GREB1: variants seen among roughly 807,000 people sequenced by gnomAD.
GREB1 encodes growth regulating estrogen receptor binding 1.
Under a neutral mutation model 200.7 loss-of-function variants are expected in GREB1, and 106 were observed. The observed-to-expected ratio is 0.53, with a 90% CI of 0.45 to 0.62. GREB1 has a LOEUF of 0.62. Among genes scored for constraint, GREB1 ranks in the 20% least tolerant of loss-of-function variants. The pLI is 0.00. For missense variants in GREB1, 2,243 were observed against 2,556.8 expected, an observed-to-expected ratio of 0.88 and a Z score of 2.65; for synonymous variants, 1,132 against 1,092.4, an observed-to-expected ratio of 1.04 and a Z score of -0.72.
At position 11,633,952 on chromosome 2, in the gene GREB1, G is replaced by A. The variant is rs1396119756; in HGVS notation, c.4992-179G>A. The stretch of plus-strand genomic sequence containing the variant: ...CTGCAAATGTGTTCAGCACATAGCA[G>A]AAATGAGCGCCCGTGGGAAGCGCCC... On this transcript the variant is annotated intron_variant, in intron 28 of 32. Coordinates refer to ENST00000381486, the MANE Select transcript of GREB1 (RefSeq NM_014668.4). The surrounding 1 kb of genome is among the most constrained non-coding windows in gnomAD (Gnocchi z 4.1). Among the ~76,000 whole-genome samples the A allele has an allele frequency of 1.3e-5, 2 of 152,248 alleles. No individual in the cohort carries two copies. The highest frequency in any genetic ancestry group is 2.9e-5 in the Non-Finnish European group (2 of 68,048).
intron 1 of GREB1, among the ~76,000 whole-genome samples, chr2:11,511,084 A>G (rs1220715521): frequency 6.6e-6 from 1 of 152,128 alleles, no homozygotes; most frequent in Non-Finnish European, 1.5e-5. Context: ...AACTCTTCAC[A>G]TTGGCTTCTG....
At chr2:11,592,461 T>C (rs1680826394) in intron 10 of GREB1, among the ~76,000 whole-genome samples, 2 of 151,370 alleles carry the variant, frequency 1.3e-5, no homozygotes, top group Non-Finnish European at 2.9e-5. Context: ...GGCCAAAGAG[T>C]GAGCAAGGAC....
intron 1 of GREB1, among the ~76,000 whole-genome samples, chr2:11,536,647 T>G (rs899999288): frequency 2.6e-5 from 4 of 152,206 alleles, no homozygotes; most frequent in Non-Finnish European, 5.9e-5. Context: ...GATACTGGCA[T>G]TAAGCAAAGA....
At chr2:11,567,807 C>T (rs956312748) in intron 4 of GREB1, among the ~76,000 whole-genome samples, 11 of 152,208 alleles carry the variant, frequency 7.2e-5, no homozygotes, top group African/African-American at 2.7e-4. Flanking sequence ...AATCTAGGGA[C>T]ACCTGAGGTG....
At chr2:11,489,351 T>A (rs1013669693) in intron 1 of GREB1, among the ~76,000 whole-genome samples, 5 of 152,054 alleles carry the variant, frequency 3.3e-5, no homozygotes, top group African/African-American at 1.2e-4. Flanking sequence ...CCCAGCTACT[T>A]GGGAGGCTGA....
intron 4 of GREB1, among the ~76,000 whole-genome samples, chr2:11,571,732 A>G (rs1172167078): frequency 2.6e-5 from 4 of 151,584 alleles, no homozygotes; most frequent in African/African-American, 9.7e-5. Flanking sequence ...TCTTTTTGAG[A>G]CGGAGTCTCG....
At chr2:11,628,485 C>T (rs548770940) in intron 25 of GREB1, among the ~76,000 whole-genome samples, 14 of 152,102 alleles carry the variant, frequency 9.2e-5, no homozygotes, top group South Asian at 6.2e-4. Flanking sequence ...CTGCCGGGGA[C>T]GCAGCACTCA....
At chr2:11,625,065 GA>G in intron 23 of GREB1, 88 bp from the exon 24 acceptor site, 1 of 1,057,546 alleles carries the variant, frequency 9.5e-7, no homozygotes, top group Non-Finnish European at 1.4e-6. Context: ...GCATTTCTCA[GA>G]ACGTATTCTG....
At chr2:11,626,392 A>G (rs1164501543) in intron 24 of GREB1, among the ~76,000 whole-genome samples, 1 of 152,144 alleles carries the variant, frequency 6.6e-6, no homozygotes, top group African/African-American at 2.4e-5. Flanking sequence ...GTTCAAGACC[A>G]GCCTGGCTAA....
chr2:11,521,972 G>A (rs188795318), intron 1 of GREB1, among the ~76,000 whole-genome samples: 103 of 152,234 alleles, frequency 6.8e-4, no homozygotes, highest in African/African-American at 2.2e-3. Context: ...CTTTTCTCCC[G>A]CTGGGTGTAG....
chr2:11,491,200 C>A (rs576050529), intron 1 of GREB1, among the ~76,000 whole-genome samples: 1 of 152,280 alleles, frequency 6.6e-6, no homozygotes, highest in African/African-American at 2.4e-5. Flanking sequence ...TAAACATTAC[C>A]AATAAATGGA....
rs747086092 is a variant in GREB1, at chr2:11,618,912, C to T, written c.4037C>T (p.Pro1346Leu). Reference protein sequence around the residue: ...FHPRRLLLSGPPQIGKTGAYL... With the variant: ...FHPRRLLLSGLPQIGKTGAYL... ...CCCCGCAGGCTGCTGCTCAGCGGCC[C>T]CCCTCAGGTGAGTGTTGCTCGCTGC... The change falls in exon 22 of 33, where the codon CCC (proline) becomes CTC (leucine). Residue 1346 changes from proline to leucine, a missense_variant. Pro to Leu is a moderately conservative substitution (Grantham distance 98). Around this residue, in one of 3 missense-constraint regions of GREB1, gnomAD observed 587 missense variants for 553.1 expected, o/e 1.06. Transcript: ENST00000381486. The T allele has an allele frequency of 6.4e-5, 97 of 1,517,956 alleles. No homozygotes were observed. The highest frequency in any genetic ancestry group is 8.2e-5 in the Non-Finnish European group (93 of 1,136,716). The allele number at this position is 1,517,956 out of a possible 1,614,324, so 94.0% of individuals were successfully genotyped here. A position where few individuals can be genotyped will look rare whatever the true frequency, so the allele number is the denominator to read the frequency against.
rs369760105 is a variant in GREB1 at position 11,627,036 on chromosome 2, G to A, written c.4381G>A (p.Ala1461Thr). Residue 1461 changes from alanine to threonine, a missense_variant, in exon 25 of 33, where the codon GCA becomes ACA. Around this residue, in one of 3 missense-constraint regions of GREB1, gnomAD observed 587 missense variants for 553.1 expected, o/e 1.06. Transcript: ENST00000381486. ...GGCACGGATGAGACTGTCCAAGTAC[G>A]CAGCGTACAACACTTACCACCACTG... ...QTARMRLSKY[A>T]AYNTYHHCEQ... is the part of the protein sequence containing the mutation. 3.0e-5 allele frequency: 48 copies of A among 1,613,828 alleles called. No individual in the cohort carries two copies. Among genetic ancestry groups the A allele is most frequent in the Admixed American group, 6.7e-5 (4 of 60,000 alleles).
Position 11,615,077 on chromosome 2 carries a change from CTG to C in GREB1, c.3123-10_3123-9del. ...GAAGGCACTAAACAGACACCTTCTT[CTG>C]TGTCTTGCTAGGTCTTTGAGGTACT... On this transcript the variant is annotated splice_polypyrimidine_tract_variant and intron_variant, in intron 19 of 32. Transcript: ENST00000381486. 6.3e-7 allele frequency: 1 copy of C among 1,597,018 alleles called. No homozygotes were observed. The highest frequency in any genetic ancestry group is 8.6e-7 in the Non-Finnish European group (1 of 1,164,394).
Position 11,618,344 on chromosome 2 carries a change from C to T in GREB1, c.3469C>T (p.His1157Tyr). ...AQPTALPQGEHARSPQPRGPA... is the reference protein window; with the variant it reads ...AQPTALPQGEYARSPQPRGPA... ...GCCCACAGCACTCCCCCAGGGAGAGCATGCCAGGTCGCCCCAGCCCCGTGG... is the reference window on the plus strand; with the variant it reads ...GCCCACAGCACTCCCCCAGGGAGAGTATGCCAGGTCGCCCCAGCCCCGTGG... Residue 1157 changes from histidine to tyrosine, a missense_variant, in exon 22 of 33, where the codon CAT becomes TAT. Physicochemically the swap from His to Tyr is moderately conservative, Grantham distance 83. Coordinates refer to ENST00000381486, the MANE Select transcript of GREB1 (RefSeq NM_014668.4). 2 of 1,606,818 alleles carry T rather than the reference C, an allele frequency of 1.2e-6. No homozygotes were observed. The highest frequency in any genetic ancestry group is 8.5e-7 in the Non-Finnish European group (1 of 1,176,050).
At chr2:11,545,568 A>C (rs12623350) in intron 1 of GREB1, among the ~76,000 whole-genome samples, 79,456 of 152,138 alleles carry the variant, frequency 0.52, 23,078 homozygotes, top group South Asian at 0.76. Context: ...AACTTAAAAA[A>C]AATGCATCCT....
intron 1 of GREB1, among the ~76,000 whole-genome samples, chr2:11,551,162 G>T (rs974882212): frequency 2.4e-4 from 36 of 152,174 alleles, no homozygotes. Flanking sequence ...GTGCTTCTGG[G>T]ATCAGAAGGG....
rs1346803193 is a variant in GREB1 at position 11,642,590 on chromosome 2, A to C, written c.*2136A>C. On this transcript the variant is annotated 3_prime_UTR_variant, in exon 33 of 33. Coordinates refer to ENST00000381486, the MANE Select transcript of GREB1 (RefSeq NM_014668.4). The stretch of plus-strand genomic sequence containing the variant: ...GTATTAAATATTTAGATCAATGTTT[A>C]TAAAATGATTACTTTGTATATCTCA... 6.6e-6 allele frequency: 1 copy of C among 152,256 alleles called. No individual in the cohort carries two copies. Among genetic ancestry groups the C allele is most frequent in the Non-Finnish European group, 1.5e-5 (1 of 68,042 alleles). 9.4% of individuals were successfully genotyped at this position (152,256 alleles called of 1,614,324 possible). A position where few individuals can be genotyped will look rare whatever the true frequency, so the allele number is the denominator to read the frequency against.
intron 17 of GREB1, among the ~76,000 whole-genome samples, chr2:11,606,126 G>A (rs965327418): frequency 1.3e-5 from 2 of 152,188 alleles, no homozygotes; most frequent in Non-Finnish European, 2.9e-5. Context: ...CAGTCCCATG[G>A]TCAGCCCTCT....
Sources: allele counts gnomAD v4.1 joint callset (sites outside exome capture counted in the v4.1 genomes callset), GRCh38; gene constraint gnomAD v4.1.1; regional missense constraint gnomAD v4.1.1; non-coding constraint Gnocchi (gnomAD v3.1); transcripts MANE v1.5; gene names NCBI Gene and HGNC (gene_info 2026-07-23, HGNC 2026-07-21).